Variants in SLC27A4 observed in about 807,000 individuals in gnomAD.
SLC27A4 encodes long-chain fatty acid transport protein 4.
SLC27A4 carries 33 observed loss-of-function variants against 64.4 expected under a neutral mutation model. The ratio of observed to expected loss-of-function variants is 0.51; its 90% CI spans 0.39 to 0.68. The LOEUF (loss-of-function observed/expected upper bound fraction) is 0.68, where lower values mean the gene tolerates loss of function less well. Among genes scored for constraint, SLC27A4 ranks in the 30% least tolerant of loss-of-function variants. The pLI is 0.00. For missense variants in SLC27A4, 824 were observed against 883.5 expected (o/e 0.93, Z 0.85); for synonymous variants, 377 against 370.0 (o/e 1.02, Z -0.22).
chr9:128,352,837 T>C (rs1159426332), intron 7 of SLC27A4, 90 bp downstream of exon 7: 2 of 1,148,936 alleles, frequency 1.7e-6, no homozygotes, highest in Non-Finnish European at 2.6e-6. Context: ...ATAGCTGAGG[T>C]GGCCAGTCAT....
chr9:128,354,798 A>AT (rs1258490310), intron 9 of SLC27A4, among the ~76,000 whole-genome samples: 3 of 151,734 alleles, frequency 2.0e-5, no homozygotes, highest in Admixed American at 6.6e-5. Context: ...AAATAAAAAA[A>AT]AAAAATTAGC....
In SLC27A4 at chr9:128,353,669, C is replaced by A. The variant is rs539874976; in HGVS notation, c.1324+128C>A. The A allele has an allele frequency of 2.1e-6, 2 of 936,188 alleles. No individual in the cohort carries two copies. The highest frequency in any genetic ancestry group is 3.2e-6 in the Non-Finnish European group (2 of 626,062). 58.0% of individuals were successfully genotyped at this position (936,188 alleles called of 1,614,324 possible). ...TCTCTGCTCTTAGGGTTACAAGTTA[C>A]TCATTTATTTGTGTATCCATCCATT... On this transcript the variant is annotated intron_variant, in intron 9 of 12. Transcript: ENST00000300456. This position sits in a 1 kb window ranked among gnomAD's most constrained non-coding sequence, Gnocchi z 4.9.
intron 1 of SLC27A4, chr9:128,342,214 C>A (rs766816075): frequency 4.4e-6 from 7 of 1,600,760 alleles, no homozygotes; most frequent in Non-Finnish European, 6.0e-6. Context: ...TGCCTCGCTC[C>A]GCTTTTCCTC....
chr9:128,343,065 C>T, intron 1 of SLC27A4, 62 bp from the exon 2 acceptor site: 1 of 1,596,042 alleles, frequency 6.3e-7, no homozygotes, highest in Non-Finnish European at 8.6e-7. Context: ...GCTGTCTGGG[C>T]TGGGAGGTAG....
At chr9:128,347,402 T>A (rs1027681790) in intron 3 of SLC27A4, among the ~76,000 whole-genome samples, 1 of 152,026 alleles carries the variant, frequency 6.6e-6, no homozygotes, top group African/African-American at 2.4e-5. Flanking sequence ...ACTGTTGTGG[T>A]TGTGGGATAA....
At chr9:128,348,763 C>T in intron 4 of SLC27A4, 60 bp downstream of exon 4, 3 of 1,556,234 alleles carry the variant, frequency 1.9e-6, no homozygotes, top group Non-Finnish European at 2.7e-6. Context: ...AGAGCACTGG[C>T]CTCAGTGCCA....
rs1832644130 is a variant in SLC27A4, at chr9:128,345,531, G to C, written c.538G>C (p.Gly180Arg). ...CTCGCGCGCACGGGCCCTTGTCTTT[G>C]GCAGCGAAATGGCCTCAGGTGAGCC... Reference protein sequence around the residue: ...TTSRARALVFGSEMASAICEV... With the variant: ...TTSRARALVFRSEMASAICEV... The change falls in exon 3 of 13, where the codon GGC becomes CGC. Residue 180 changes from glycine (G) to arginine (R), a missense_variant. By Grantham distance (125) the Gly-to-Arg change is moderately radical. Coordinates refer to ENST00000300456, the MANE Select transcript of SLC27A4 (RefSeq NM_005094.4). The surrounding 1 kb of genome is among the most constrained non-coding windows in gnomAD (Gnocchi z 4.1). 1 of 1,606,792 alleles carries C rather than the reference G, an allele frequency of 6.2e-7. No homozygotes were observed. The highest frequency in any genetic ancestry group is 8.5e-7 in the Non-Finnish European group (1 of 1,177,718).
In SLC27A4 at chr9:128,355,384, C is replaced by T. The variant is rs752738705; in HGVS notation, c.1463-14C>T. 7.4e-6 allele frequency: 12 copies of T among 1,613,220 alleles called. No individual in the cohort carries two copies. Among genetic ancestry groups the T allele is most frequent in the Admixed American group, 5.0e-5 (3 of 59,970 alleles). ...TGGCCAGGCCCAGCCCTGCCTCATC[C>T]GGCCCCTCCCTAGGTGATGTGCTGG... On this transcript the variant is annotated splice_polypyrimidine_tract_variant and intron_variant, in intron 10 of 12. Transcript: ENST00000300456.
chr9:128,353,429 T>C lies in SLC27A4; in HGVS notation c.1212T>C (p.Gly404=). The C allele has an allele frequency of 6.2e-7, 1 of 1,614,100 alleles. No individual in the cohort carries two copies. The highest frequency in any genetic ancestry group is 1.3e-5 in the African/African-American group (1 of 74,992). Residue 404 remains glycine, a synonymous_variant, in exon 9 of 13, where the codon GGT becomes GGC. Coordinates refer to ENST00000300456, the MANE Select transcript of SLC27A4 (RefSeq NM_005094.4). This position sits in a 1 kb window ranked among gnomAD's most constrained non-coding sequence, Gnocchi z 4.9. The part of the protein sequence containing the change: ...GNFDSQVGAC[G]FNSRILSFVY... ...GGCCTTCGCAGGTGGGGGCCTGTGGTTTCAATAGCCGCATCCTGTCCTTCG... is the reference window on the plus strand; with the variant it reads ...GGCCTTCGCAGGTGGGGGCCTGTGGCTTCAATAGCCGCATCCTGTCCTTCG...
chr9:128,353,190 G>A lies in SLC27A4; in HGVS notation c.1153G>A (p.Gly385Arg), dbSNP rs751505867. 4.0e-5 allele frequency: 64 copies of A among 1,614,012 alleles called. No homozygotes were observed. Among genetic ancestry groups the A allele is most frequent in the South Asian group, 1.3e-4 (12 of 91,084 alleles). The change falls in exon 8 of 13, where the codon GGG becomes AGG. Residue 385 changes from glycine to arginine, a missense_variant. Transcript: ENST00000300456. The surrounding 1 kb of genome is among the most constrained non-coding windows in gnomAD (Gnocchi z 4.9). ...CATACCCCAGGTGGCTGAGTTCTAC[G>A]GGGCCACAGAGTGCAACTGTAGCCT... is the stretch of plus-strand genomic sequence containing the variant. ...FHIPQVAEFY[G>R]ATECNCSLGN...
chr9:128,342,411 G>T, intron 1 of SLC27A4: 3 of 1,605,122 alleles, frequency 1.9e-6, no homozygotes, highest in Non-Finnish European at 1.7e-6. Flanking sequence ...CACAAGTATT[G>T]CCTTCTTATT....
chr9:128,354,965 A>G, intron 9 of SLC27A4, 88 bp from the exon 10 acceptor site: 1 of 1,340,692 alleles, frequency 7.5e-7, no homozygotes, highest in Non-Finnish European at 9.9e-7. Context: ...AAAAAAAAAA[A>G]AAAAAAAAAG....
chr9:128,360,331 C>G lies in SLC27A4; in HGVS notation c.1775-3C>G. On this transcript the variant is annotated splice_region_variant and splice_polypyrimidine_tract_variant and intron_variant, in intron 12 of 12. Transcript: ENST00000300456. ...CACTGAGTCTTCTTCCCTGCTCTCCCAGGAACCTACAAGTTCCAGAAGACA... is the reference window on the plus strand; with the variant it reads ...CACTGAGTCTTCTTCCCTGCTCTCCGAGGAACCTACAAGTTCCAGAAGACA... 1 of 1,614,086 alleles carries G rather than the reference C, an allele frequency of 6.2e-7. No homozygotes were observed. The highest frequency in any genetic ancestry group is 8.5e-7 in the Non-Finnish European group (1 of 1,180,030).
rs1419328979 is a variant in SLC27A4 at position 128,360,801 on chromosome 9, G to A, written c.*310G>A. 1 of 411,084 alleles carries A rather than the reference G, an allele frequency of 2.4e-6. No homozygotes were observed. The highest frequency in any genetic ancestry group is 4.6e-6 in the Non-Finnish European group (1 of 218,376). The allele number at this position is 411,084 out of a possible 1,614,324, so 25.5% of individuals were successfully genotyped here. A position where few individuals can be genotyped will look rare whatever the true frequency, so the allele number is the denominator to read the frequency against. On this transcript the variant is annotated 3_prime_UTR_variant, in exon 13 of 13. Coordinates refer to ENST00000300456, the MANE Select transcript of SLC27A4 (RefSeq NM_005094.4). ...GGTAGGGAGAGGACAAGGGGTCACCGAGCCCTTCCCAGAGAGCAGGGAGCT... is the reference window on the plus strand; with the variant it reads ...GGTAGGGAGAGGACAAGGGGTCACCAAGCCCTTCCCAGAGAGCAGGGAGCT...
At position 128,360,858 on chromosome 9, in the gene SLC27A4, C is replaced by A. The variant is rs1832892549; in HGVS notation, c.*367C>A. ...TGGAACCAGAGCAGAAGTCCCCAGA[C>A]TCAGGAAGTCAACAGAGTGGGCAGG... On this transcript the variant is annotated 3_prime_UTR_variant, in exon 13 of 13. Coordinates refer to ENST00000300456, the MANE Select transcript of SLC27A4 (RefSeq NM_005094.4). 9.8e-6 allele frequency: 3 copies of A among 304,698 alleles called. No individual in the cohort carries two copies. Among genetic ancestry groups the A allele is most frequent in the South Asian group, 9.6e-5 (3 of 31,400 alleles). The allele number at this position is 304,698 out of a possible 1,614,324, so 18.9% of individuals were successfully genotyped here. A position where few individuals can be genotyped will look rare whatever the true frequency, so the allele number is the denominator to read the frequency against.
chr9:128,340,639 C>A lies in SLC27A4; in HGVS notation c.-206C>A, dbSNP rs987603691. ...GCAGGTTTGGGGTGCGGGAGGCGGGCGGGGTAGGAGCGCGGCGGGCGGGGC... is the reference window on the plus strand; with the variant it reads ...GCAGGTTTGGGGTGCGGGAGGCGGGAGGGGTAGGAGCGCGGCGGGCGGGGC... On this transcript the variant is annotated 5_prime_UTR_variant, in exon 1 of 13. Transcript: ENST00000300456. 6 of 182,504 alleles carry A rather than the reference C, an allele frequency of 3.3e-5. No individual in the cohort carries two copies. In the African/African-American group the frequency reaches 4.2e-4, roughly 13 times the overall value. 11.3% of individuals were successfully genotyped at this position (182,504 alleles called of 1,614,324 possible).
chr9:128,349,503 C>T (rs1014877725), intron 4 of SLC27A4, among the ~76,000 whole-genome samples: 2 of 152,156 alleles, frequency 1.3e-5, no homozygotes, highest in African/African-American at 4.8e-5. Flanking sequence ...AGTAACTGGT[C>T]ATTGTCATCA....
rs1400883465 is a variant in SLC27A4 at position 128,345,498 on chromosome 9, C to G, written c.505C>G (p.Leu169Val). The G allele has an allele frequency of 6.2e-7, 1 of 1,611,318 alleles. No homozygotes were observed. Among genetic ancestry groups the G allele is most frequent in the African/African-American group, 1.3e-5 (1 of 74,880 alleles). Residue 169 changes from leucine to valine, a missense_variant, in exon 3 of 13, where the codon CTC becomes GTC. Leu to Val is a conservative substitution (Grantham distance 32). Transcript: ENST00000300456. This position sits in a 1 kb window ranked among gnomAD's most constrained non-coding sequence, Gnocchi z 4.1. ...NLRRDALLHC[L>V]TTSRARALVF... ...GCGGCGGGATGCTCTGCTCCACTGCCTCACCACCTCGCGCGCACGGGCCCT... is the reference window on the plus strand; with the variant it reads ...GCGGCGGGATGCTCTGCTCCACTGCGTCACCACCTCGCGCGCACGGGCCCT...
At chr9:128,343,033 C>T in intron 1 of SLC27A4, 94 bp from the exon 2 acceptor site, 1 of 1,491,612 alleles carries the variant, frequency 6.7e-7, no homozygotes. Flanking sequence ...ACAGGCTGTC[C>T]CCTTGGGATC....
Sources: allele counts gnomAD v4.1 joint callset (sites outside exome capture counted in the v4.1 genomes callset), GRCh38; gene constraint gnomAD v4.1.1; non-coding constraint Gnocchi (gnomAD v3.1); transcripts MANE v1.5; gene names NCBI Gene and HGNC (gene_info 2026-07-23, HGNC 2026-07-21).